Variants in ITGA9 observed in about 807,000 individuals in gnomAD.
ITGA9 encodes integrin alpha-9.
In ITGA9, 56 loss-of-function variants were observed where a neutral mutation model predicts 127.8. The observed-to-expected ratio is 0.44, with a 90% CI of 0.35 to 0.55. ITGA9 has a LOEUF of 0.55. Among genes scored for constraint, ITGA9 ranks in the 20% least tolerant of loss-of-function variants. ITGA9 has a pLI of 0.00. For missense variants in ITGA9, 1,196 were observed against 1,347.1 expected (o/e 0.89, Z 1.76); for synonymous variants, 508 against 514.5 (o/e 0.99, Z 0.17).
chr3:37,713,865 A>G (rs971484549), intron 18 of ITGA9, among the ~76,000 whole-genome samples: 4 of 152,280 alleles, frequency 2.6e-5, no homozygotes, highest in Middle Eastern at 3.4e-3. Flanking sequence ...ATTCCCTCCA[A>G]TCTTTTTATT....
rs975777154 is a variant in ITGA9, at chr3:37,452,663, C to G, written c.185+104C>G. The G allele has an allele frequency of 3.5e-4, 365 of 1,041,068 alleles. 1 individual carries two copies. Among genetic ancestry groups the G allele is most frequent in the South Asian group, 6.3e-4 (34 of 53,880 alleles). The allele number at this position is 1,041,068 out of a possible 1,614,324, so 64.5% of individuals were successfully genotyped here. ...TCCGGTCTCTTCCACGCCGCCGTCC[C>G]GAGGGGGCGATTTAAATGTCTCCGT... On this transcript the variant is annotated intron_variant, in intron 1 of 27. Transcript: ENST00000264741. The surrounding 1 kb of genome is among the most constrained non-coding windows in gnomAD (Gnocchi z 7.3).
In ITGA9 at chr3:37,597,637, A is replaced by G. The variant is rs1180757785; in HGVS notation, c.1690-31550A>G. 2.0e-4 allele frequency among the ~76,000 whole-genome samples: 31 copies of G among 152,244 alleles called. No individual in the cohort carries two copies. The highest frequency in any genetic ancestry group is 1.2e-4 in the Non-Finnish European group (8 of 68,046). The stretch of plus-strand genomic sequence containing the variant: ...TGACTGGTGAATGAATGTGTTTTAA[A>G]TAAGGTATATAGTGAGAAAAGTGAG... On this transcript the variant is annotated intron_variant, in intron 15 of 27. Transcript: ENST00000264741. The surrounding 1 kb of genome is among the most constrained non-coding windows in gnomAD (Gnocchi z 4.6).
chr3:37,497,980 T>C (rs574558435), intron 5 of ITGA9, among the ~76,000 whole-genome samples: 1 of 150,694 alleles, frequency 6.6e-6, no homozygotes, highest in African/African-American at 2.4e-5. Flanking sequence ...AGAGGGAGGC[T>C]TAAGGAATAA....
At chr3:37,760,204 G>A (rs374284016) in intron 23 of ITGA9, among the ~76,000 whole-genome samples, 1 of 151,662 alleles carries the variant, frequency 6.6e-6, no homozygotes, top group Non-Finnish European at 1.5e-5. Flanking sequence ...CGGAGGTTGC[G>A]GTGAGCCGAG....
chr3:37,473,529 C>A, intron 3 of ITGA9, 69 bp downstream of exon 3: 1 of 1,163,732 alleles, frequency 8.6e-7, no homozygotes, highest in African/African-American at 1.5e-5. Context: ...GTTAGGAAGG[C>A]TGGATGGCAT....
intron 18 of ITGA9, among the ~76,000 whole-genome samples, chr3:37,712,337 C>T (rs1701088129): frequency 2.4e-5 from 3 of 123,914 alleles, no homozygotes; most frequent in African/African-American, 9.5e-5. Flanking sequence ...TGTCTGGAGC[C>T]ATGGTGGCTG....
intron 17 of ITGA9, among the ~76,000 whole-genome samples, chr3:37,672,499 C>T (rs2125657153): frequency 6.6e-6 from 1 of 152,324 alleles, no homozygotes; most frequent in South Asian, 2.1e-4. Context: ...AAACCTCTTT[C>T]CTTTATAAAT....
chr3:37,802,072 T>A (rs1697241709), intron 26 of ITGA9, among the ~76,000 whole-genome samples: 1 of 152,126 alleles, frequency 6.6e-6, no homozygotes, highest in Non-Finnish European at 1.5e-5. Flanking sequence ...TTTGGGGGTT[T>A]GGGGTTGGCT....
At chr3:37,513,040 A>G (rs1249579909) in intron 8 of ITGA9, among the ~76,000 whole-genome samples, 2 of 152,058 alleles carry the variant, frequency 1.3e-5, no homozygotes, top group African/African-American at 2.4e-5. Context: ...TTCCTAACCA[A>G]TCTTTCACCT....
chr3:37,700,341 G>A (rs578208698), intron 18 of ITGA9, among the ~76,000 whole-genome samples: 3 of 151,768 alleles, frequency 2.0e-5, no homozygotes, highest in Admixed American at 6.6e-5. Context: ...ATTAGGTTAG[G>A]TTTCTACATA....
intron 15 of ITGA9, among the ~76,000 whole-genome samples, chr3:37,589,595 A>G (rs991605188): frequency 6.6e-6 from 1 of 152,188 alleles, no homozygotes; most frequent in Admixed American, 6.5e-5. Context: ...GGTAGGCCTC[A>G]TGAAAGAGGT....
chr3:37,740,076 A>G (rs1478624629), intron 20 of ITGA9, among the ~76,000 whole-genome samples: 2 of 152,194 alleles, frequency 1.3e-5, no homozygotes, highest in Non-Finnish European at 1.5e-5. Context: ...ACACAGCACC[A>G]TTGTTTCAGA....
chr3:37,499,773 C>A (rs116039741), intron 5 of ITGA9, among the ~76,000 whole-genome samples: 2 of 151,922 alleles, frequency 1.3e-5, no homozygotes, highest in African/African-American at 2.4e-5. Flanking sequence ...TGGCGTGGTG[C>A]GGTAAAAACA....
intron 16 of ITGA9, among the ~76,000 whole-genome samples, chr3:37,634,886 A>G (rs1157408244): frequency 1.3e-5 from 2 of 152,222 alleles, no homozygotes; most frequent in Non-Finnish European, 2.9e-5. Context: ...GCCTTGAAAT[A>G]TCAAGTATCT....
At chr3:37,771,011 T>G (rs2844386) in intron 23 of ITGA9, among the ~76,000 whole-genome samples, 84,093 of 152,090 alleles carry the variant, frequency 0.55, 24,367 homozygotes, top group African/African-American at 0.72. Flanking sequence ...GCATCCTCCT[T>G]TCCTTGTTTG....
At position 37,822,737 on chromosome 3, in the gene ITGA9, T is replaced by C. The variant is rs1559609463; in HGVS notation, c.*3748T>C. On this transcript the variant is annotated 3_prime_UTR_variant, in exon 28 of 28. Coordinates refer to ENST00000264741, the MANE Select transcript of ITGA9 (RefSeq NM_002207.3). Reference sequence around the variant, plus strand: ...ATCCCCAGACGATCCGTGTGCTGTATGCTACCTGTTGAACCCTAGCATGGT... The same window carrying C: ...ATCCCCAGACGATCCGTGTGCTGTACGCTACCTGTTGAACCCTAGCATGGT... 6.6e-6 allele frequency: 1 copy of C among 152,262 alleles called. No homozygotes were observed. The highest frequency in any genetic ancestry group is 6.5e-5 in the Admixed American group (1 of 15,282). 9.4% of individuals were successfully genotyped at this position (152,262 alleles called of 1,614,324 possible). A position where few individuals can be genotyped will look rare whatever the true frequency, so the allele number is the denominator to read the frequency against.
At position 37,672,139 on chromosome 3, in the gene ITGA9, T is replaced by C. The variant is rs1700642164; in HGVS notation, c.1917-11726T>C. Among the ~76,000 whole-genome samples the C allele has an allele frequency of 2.6e-5, 4 of 152,278 alleles. No individual in the cohort carries two copies. In the South Asian group the frequency reaches 8.3e-4, roughly 32 times the overall value. On this transcript the variant is annotated intron_variant, in intron 17 of 27. Coordinates refer to ENST00000264741, the MANE Select transcript of ITGA9 (RefSeq NM_002207.3). ...GGGCCAGACTACTAGGTTGTGTATT[T>C]AGAGAAACTAGGGCAGGACTGCTGG...
chr3:37,480,549 G>T (rs116389771), intron 3 of ITGA9, among the ~76,000 whole-genome samples: 1 of 152,166 alleles, frequency 6.6e-6, no homozygotes, highest in Non-Finnish European at 1.5e-5. Context: ...TCTGTGTCTT[G>T]CTAGGGCCTT....
At chr3:37,473,105 C>T (rs556266691) in intron 2 of ITGA9, among the ~76,000 whole-genome samples, 5 of 126,268 alleles carry the variant, frequency 4.0e-5, no homozygotes, top group African/African-American at 1.5e-4. Context: ...TGCCACTGCA[C>T]TCCAGCCTGG....
Sources: allele counts gnomAD v4.1 joint callset (sites outside exome capture counted in the v4.1 genomes callset), GRCh38; gene constraint gnomAD v4.1.1; non-coding constraint Gnocchi (gnomAD v3.1); transcripts MANE v1.5; gene names NCBI Gene and HGNC (gene_info 2026-07-23, HGNC 2026-07-21).